The following EGFLAM variants were observed in gnomAD, a reference collection of about 807,000 sequenced individuals.
EGFLAM encodes the protein EGF like, fibronectin type III and laminin G domains.
A neutral mutation model predicts 113.1 loss-of-function variants in EGFLAM; 79 were observed. The ratio of observed to expected loss-of-function variants is 0.70; its 90% CI spans 0.58 to 0.84. The LOEUF is 0.84. Among genes scored for constraint, EGFLAM ranks in the 40% least tolerant of loss-of-function variants. The pLI is 0.00. For synonymous variants in EGFLAM, 504 were observed against 487.6 expected, an observed-to-expected ratio of 1.03 and a Z score of -0.44; for missense variants, 1,265 against 1,291.6, an observed-to-expected ratio of 0.98 and a Z score of 0.32.
At chr5:38,371,432 C>A (rs554978129) in intron 6 of EGFLAM, among the ~76,000 whole-genome samples, 2 of 152,274 alleles carry the variant, frequency 1.3e-5, no homozygotes, top group South Asian at 4.1e-4. Flanking sequence ...AGCACCCACA[C>A]AGCTGACATC....
chr5:38,395,042 G>A (rs1203122645), intron 6 of EGFLAM, among the ~76,000 whole-genome samples: 1 of 152,010 alleles, frequency 6.6e-6, no homozygotes, highest in Non-Finnish European at 1.5e-5. Context: ...CCGGATTCAA[G>A]CGATTTTCCT....
intron 20 of EGFLAM, among the ~76,000 whole-genome samples, chr5:38,459,981 A>C (rs144400326): frequency 1.0e-3 from 156 of 152,384 alleles, no homozygotes; most frequent in African/African-American, 3.4e-3. Flanking sequence ...TTGGATTTCA[A>C]ATAGTTTCTA....
intron 1 of EGFLAM, among the ~76,000 whole-genome samples, chr5:38,274,194 G>A (rs1398982069): frequency 6.6e-6 from 1 of 152,098 alleles, no homozygotes; most frequent in Admixed American, 6.6e-5. Context: ...AAAGCTTACA[G>A]TATTTATGGG....
At chr5:38,365,313 G>A (rs1023936001) in intron 5 of EGFLAM, among the ~76,000 whole-genome samples, 3 of 152,194 alleles carry the variant, frequency 2.0e-5, no homozygotes, top group Non-Finnish European at 4.4e-5. Context: ...GTGTATGTAT[G>A]TGTGTGTGGT....
At chr5:38,282,086 T>C (rs1292356655) in intron 1 of EGFLAM, among the ~76,000 whole-genome samples, 1 of 152,238 alleles carries the variant, frequency 6.6e-6, no homozygotes, top group Non-Finnish European at 1.5e-5. Context: ...TTTTTGCTGA[T>C]ATTTATGGTC....
At chr5:38,314,109 C>T (rs1360606321) in intron 1 of EGFLAM, among the ~76,000 whole-genome samples, 1 of 152,096 alleles carries the variant, frequency 6.6e-6, no homozygotes. Context: ...TATGGCTTTA[C>T]CAATATATAC....
chr5:38,447,858 C>G (rs1742768072), intron 17 of EGFLAM, among the ~76,000 whole-genome samples: 1 of 152,072 alleles, frequency 6.6e-6, no homozygotes, highest in Non-Finnish European at 1.5e-5. Context: ...TCTCGAAGTC[C>G]TAGCTTAAAA....
At chr5:38,279,925 T>A (rs890233043) in intron 1 of EGFLAM, among the ~76,000 whole-genome samples, 2 of 152,122 alleles carry the variant, frequency 1.3e-5, no homozygotes, top group Admixed American at 1.3e-4. Flanking sequence ...CTAGCTAGAT[T>A]TAACCGTTCC....
intron 6 of EGFLAM, among the ~76,000 whole-genome samples, chr5:38,380,940 G>A (rs57483412): frequency 0.099 from 15,094 of 152,178 alleles, 876 homozygotes; most frequent in Middle Eastern, 0.15. Context: ...AATTTTCAAA[G>A]GAAAGGAACT....
intron 1 of EGFLAM, among the ~76,000 whole-genome samples, chr5:38,279,207 G>A (rs188284342): frequency 0.01 from 1,555 of 152,176 alleles, 28 homozygotes; most frequent in African/African-American, 0.036. Context: ...TTATCAAAAA[G>A]GCAAAAGATA....
At chr5:38,313,408 T>A (rs1431779403) in intron 1 of EGFLAM, among the ~76,000 whole-genome samples, 1 of 152,182 alleles carries the variant, frequency 6.6e-6, no homozygotes, top group Non-Finnish European at 1.5e-5. Flanking sequence ...TGCTTTAACA[T>A]CTTACCTGAA....
At chr5:38,408,445 C>G (rs141402097) in intron 9 of EGFLAM, among the ~76,000 whole-genome samples, 2 of 152,258 alleles carry the variant, frequency 1.3e-5, no homozygotes, top group East Asian at 3.9e-4. Flanking sequence ...TCCAATGATA[C>G]AAAAAGGTCT....
At chr5:38,319,453 T>C (rs921849355) in intron 1 of EGFLAM, among the ~76,000 whole-genome samples, 6 of 152,226 alleles carry the variant, frequency 3.9e-5, no homozygotes, top group African/African-American at 1.4e-4. Context: ...CAAATACTTA[T>C]GGAATGCTTA....
At chr5:38,452,094 T>G (rs1425552772) in intron 19 of EGFLAM, among the ~76,000 whole-genome samples, 4 of 142,446 alleles carry the variant, frequency 2.8e-5, no homozygotes, top group Admixed American at 7.1e-5. Context: ...CAGAGTGCAG[T>G]GGCGCAATCT....
At chr5:38,419,344 T>C (rs1741755943) in intron 12 of EGFLAM, among the ~76,000 whole-genome samples, 3 of 152,188 alleles carry the variant, frequency 2.0e-5, no homozygotes, top group Non-Finnish European at 4.4e-5. Context: ...GATACTCTCC[T>C]TTTCACTCAC....
intron 1 of EGFLAM, among the ~76,000 whole-genome samples, chr5:38,323,767 G>A (rs7732250): frequency 0.15 from 23,175 of 151,724 alleles, 2,084 homozygotes; most frequent in African/African-American, 0.25. Context: ...GAGTTTTTTC[G>A]GCCAGGCACA....
rs1213243970 is a variant in EGFLAM at position 38,465,050 on chromosome 5, T to C, written c.*1064T>C. 6.6e-6 allele frequency: 1 copy of C among 152,256 alleles called. No individual in the cohort carries two copies. The highest frequency in any genetic ancestry group is 1.5e-5 in the Non-Finnish European group (1 of 68,064). The allele number at this position is 152,256 out of a possible 1,614,324, so 9.4% of individuals were successfully genotyped here. A position where few individuals can be genotyped will look rare whatever the true frequency, so the allele number is the denominator to read the frequency against. The stretch of plus-strand genomic sequence containing the variant: ...ATTCATTCATTCACTTATGGAGTTG[T>C]TACTGATTTTGCGGAGGTCAGGTTC... On this transcript the variant is annotated 3_prime_UTR_variant, in exon 22 of 22. Transcript: ENST00000322350.
intron 11 of EGFLAM, among the ~76,000 whole-genome samples, chr5:38,415,425 A>C (rs79549417): frequency 5.3e-5 from 8 of 152,066 alleles, no homozygotes; most frequent in Non-Finnish European, 1.0e-4. Context: ...GCTCACGCCT[A>C]TAATTCCCAC....
chr5:38,378,668 C>T (rs1289417289), intron 6 of EGFLAM, among the ~76,000 whole-genome samples: 1 of 152,144 alleles, frequency 6.6e-6, no homozygotes, highest in African/African-American at 2.4e-5. Flanking sequence ...TATTCACTGC[C>T]CCCAAGCATC....
Sources: gnomAD v4.1 joint callset for allele counts (sites outside exome capture counted in the v4.1 genomes callset) on GRCh38, gnomAD v4.1.1 for gene constraint, MANE v1.5 for transcripts, NCBI Gene and HGNC (gene_info 2026-07-23, HGNC 2026-07-21) for gene names.